Variants in RBFOX1 observed in about 807,000 individuals in gnomAD.
The protein encoded by RBFOX1 is RNA binding protein fox-1 homolog 1.
Under a neutral mutation model 57.7 loss-of-function variants are expected in RBFOX1, and 8 were observed. The observed-to-expected ratio is 0.14, with a 90% CI of 0.08 to 0.25. The LOEUF (loss-of-function observed/expected upper bound fraction) is 0.25, where lower values mean the gene tolerates loss of function less well. Among genes scored for constraint, RBFOX1 ranks in the 10% least tolerant of loss-of-function variants. RBFOX1 has a pLI of 1.00. For missense variants in RBFOX1, 611 were observed against 548.5 expected (o/e 1.11, Z -1.14); for synonymous variants, 326 against 222.4 (o/e 1.47, Z -4.15).
In RBFOX1 at chr16:6,767,947, T is replaced by TAATAATAAGAAG. The variant is rs1410744665; in HGVS notation, c.-16+113299_-16+113300insTAATAAGAAGAA. On this transcript the variant is annotated intron_variant, in intron 3 of 15. Transcript: ENST00000550418. ...ATAATAATAATAATAATAATAATAA[T>TAATAATAAGAAG]AAGAAGAAGAAGAAGAAGAAGAAGA... is the stretch of plus-strand genomic sequence containing the variant. Among the ~76,000 whole-genome samples the TAATAATAAGAAG allele has an allele frequency of 2.9e-3, 297 of 101,006 alleles. 1 individual carries two copies. The highest frequency in any genetic ancestry group is 2.9e-3 in the South Asian group (8 of 2,738). The allele number at this position is 101,006 out of a possible 152,430, so 66.3% of individuals were successfully genotyped here.
At chr16:5,949,760 A>C (rs2059482448) in intron 4 of RBFOX1, among the ~76,000 whole-genome samples, 1 of 152,140 alleles carries the variant, frequency 6.6e-6, no homozygotes, top group Non-Finnish European at 1.5e-5. Context: ...GGAGCTTATT[A>C]ATTCATCACC....
intron 2 of RBFOX1, among the ~76,000 whole-genome samples, chr16:6,571,821 G>C (rs2097348762): frequency 6.6e-6 from 1 of 152,164 alleles, no homozygotes. Flanking sequence ...AAAAGCATAT[G>C]TAAAAATATG....
chr16:5,578,932 C>G (rs763982572), intron 2 of RBFOX1, among the ~76,000 whole-genome samples: 2 of 148,782 alleles, frequency 1.3e-5, no homozygotes, highest in Non-Finnish European at 3.0e-5. Flanking sequence ...ACTGCAACCT[C>G]TGCCTCCTGG....
At chr16:7,296,365 C>T (rs1427829251) in intron 4 of RBFOX1, among the ~76,000 whole-genome samples, 1 of 148,244 alleles carries the variant, frequency 6.7e-6, no homozygotes, top group African/African-American at 2.5e-5. Context: ...TATGAATGTA[C>T]TACCTTGGCA....
At chr16:6,898,545 C>G (rs1401976717) in intron 3 of RBFOX1, among the ~76,000 whole-genome samples, 1 of 152,254 alleles carries the variant, frequency 6.6e-6, no homozygotes, top group South Asian at 2.1e-4. Context: ...GGAAACAGAA[C>G]ATGGATTCTG....
At chr16:7,247,526 C>T (rs74013344) in intron 4 of RBFOX1, among the ~76,000 whole-genome samples, 1 of 152,080 alleles carries the variant, frequency 6.6e-6, no homozygotes, top group East Asian at 1.9e-4. Context: ...TCTGTAAGAC[C>T]CTGTGCCTGC....
intron 3 of RBFOX1, among the ~76,000 whole-genome samples, chr16:6,928,620 A>C (rs1158824496): frequency 6.6e-6 from 1 of 152,146 alleles, no homozygotes; most frequent in Non-Finnish European, 1.5e-5. Context: ...GTAGCTCCCA[A>C]GGTCTCTAGC....
chr16:5,903,346 G>C (rs1235833858), intron 4 of RBFOX1, among the ~76,000 whole-genome samples: 1 of 152,138 alleles, frequency 6.6e-6, no homozygotes, highest in African/African-American at 2.4e-5. Context: ...CCTCTGAGAA[G>C]TCATGCGTGA....
At chr16:7,459,192 AAAAG>A (rs1219006632) in intron 4 of RBFOX1, among the ~76,000 whole-genome samples, 1 of 152,096 alleles carries the variant, frequency 6.6e-6, no homozygotes, top group Non-Finnish European at 1.5e-5. Flanking sequence ...ATGGATGGGC[AAAAG>A]AAAGAATTTG....
chr16:7,692,618 A>G (rs1274489124), intron 14 of RBFOX1, among the ~76,000 whole-genome samples: 1 of 152,230 alleles, frequency 6.6e-6, no homozygotes, highest in Non-Finnish European at 1.5e-5. Flanking sequence ...TAGACGAATT[A>G]GTACCTCTGA....
chr16:7,003,286 C>A (rs565708921), intron 3 of RBFOX1, among the ~76,000 whole-genome samples: 9 of 151,796 alleles, frequency 5.9e-5, no homozygotes, highest in Non-Finnish European at 8.8e-5. Context: ...TGGTGAAACC[C>A]CCGTCTCTAC....
intron 4 of RBFOX1, among the ~76,000 whole-genome samples, chr16:7,487,274 C>A (rs186469054): frequency 6.6e-6 from 1 of 152,174 alleles, no homozygotes; most frequent in Non-Finnish European, 1.5e-5. Context: ...TGGTATACTC[C>A]TTCCTCAACT....
intron 3 of RBFOX1, among the ~76,000 whole-genome samples, chr16:5,681,679 C>T (rs1462938204): frequency 6.6e-6 from 1 of 152,090 alleles, no homozygotes; most frequent in Non-Finnish European, 1.5e-5. Context: ...AAGCTTGAGC[C>T]ACTGTGCCCG....
At chr16:7,214,147 A>G (rs557171133) in intron 4 of RBFOX1, among the ~76,000 whole-genome samples, 2 of 152,222 alleles carry the variant, frequency 1.3e-5, no homozygotes, top group Admixed American at 6.5e-5. Context: ...TTTATCTCAA[A>G]CAAGGAATTA....
Position 5,271,039 on chromosome 16 carries a change from C to G in RBFOX1, c.219+30934C>G, listed in dbSNP as rs143957073. ...CAACAATGAAAAAAGCAAAATTAGT[C>G]TGGTGTGGTGGTGCATGCCTGTAAT... On this transcript the variant is annotated intron_variant, in intron 1 of 2. Coordinates refer to the RBFOX1 transcript ENST00000585867. 1.3e-3 allele frequency: 336 copies of G among 267,676 alleles called. 3 individuals carry two copies. The highest frequency in any genetic ancestry group is 7.5e-3 in the African/African-American group (318 of 42,510). The allele number at this position is 267,676 out of a possible 1,614,324, so 16.6% of individuals were successfully genotyped here.
chr16:7,050,099 G>A (rs2049478577), intron 3 of RBFOX1, among the ~76,000 whole-genome samples: 2 of 150,106 alleles, frequency 1.3e-5, no homozygotes, highest in South Asian at 4.2e-4. Context: ...AGTTTATGGA[G>A]ACATAATTTA....
chr16:6,453,512 C>T (rs1402621168), intron 2 of RBFOX1, among the ~76,000 whole-genome samples: 1 of 152,076 alleles, frequency 6.6e-6, no homozygotes, highest in African/African-American at 2.4e-5. Flanking sequence ...AGACCAATAA[C>T]AAGTTCTGAA....
chr16:5,578,792 C>T (rs185500277), intron 2 of RBFOX1, among the ~76,000 whole-genome samples: 3 of 151,226 alleles, frequency 2.0e-5, no homozygotes, highest in East Asian at 1.9e-4. Flanking sequence ...TGTTTTTGCG[C>T]TTCAATCCCA....
chr16:7,486,578 C>A (rs1276460729), intron 4 of RBFOX1, among the ~76,000 whole-genome samples: 1 of 152,092 alleles, frequency 6.6e-6, no homozygotes, highest in Non-Finnish European at 1.5e-5. Context: ...CTTGAGGATT[C>A]AGGGGAAGGC....
Sources: allele counts gnomAD v4.1 joint callset (sites outside exome capture counted in the v4.1 genomes callset), GRCh38; gene constraint gnomAD v4.1.1; transcripts MANE v1.5; gene names NCBI Gene and HGNC (gene_info 2026-07-23, HGNC 2026-07-21).